Variants in CFAP299 observed in about 807,000 individuals in gnomAD.
The protein encoded by CFAP299 is cilia and flagella associated protein 299, also known as cilia- and flagella-associated protein 299.
Under a neutral mutation model 27.0 loss-of-function variants are expected in CFAP299, and 21 were observed. That is an observed-to-expected ratio of 0.78 (90% CI 0.55 to 1.12). The LOEUF is 1.12. Ranked by LOEUF, CFAP299 falls within the 50% of genes most tolerant of loss-of-function variation. The probability of loss-of-function intolerance (pLI) is 0.00; values close to 1 mark genes in which losing one functional copy is unlikely to be tolerated. For synonymous variants in CFAP299, 104 were observed against 98.1 expected (o/e 1.06, Z -0.36); for missense variants, 310 against 276.6 (o/e 1.12, Z -0.86).
At chr4:80,900,633 A>G (rs1012880099) in intron 4 of CFAP299, among the ~76,000 whole-genome samples, 7 of 152,144 alleles carry the variant, frequency 4.6e-5, no homozygotes, top group African/African-American at 1.7e-4. Flanking sequence ...AAAAGAGTGG[A>G]AAAGCCCTAG....
At chr4:80,376,714 G>T (rs1365686214) in intron 2 of CFAP299, among the ~76,000 whole-genome samples, 1 of 152,124 alleles carries the variant, frequency 6.6e-6, no homozygotes, top group African/African-American at 2.4e-5. Flanking sequence ...CAATGCAATG[G>T]CATGATTTTG....
At chr4:80,783,270 A>G (rs1024955058) in intron 3 of CFAP299, among the ~76,000 whole-genome samples, 140 of 152,298 alleles carry the variant, frequency 9.2e-4, no homozygotes, top group African/African-American at 3.3e-3. Flanking sequence ...TGTCACTTAC[A>G]CAATATTCTG....
At chr4:80,510,233 A>G (rs1732229816) in intron 2 of CFAP299, among the ~76,000 whole-genome samples, 1 of 152,150 alleles carries the variant, frequency 6.6e-6, no homozygotes, top group Non-Finnish European at 1.5e-5. Context: ...TTGCACTACA[A>G]GTTAATTGTC....
Position 80,416,405 on chromosome 4 carries a change from G to A in CFAP299, c.242+53521G>A, listed in dbSNP as rs141863033. Among the ~76,000 whole-genome samples, 940 of 152,034 alleles carry A rather than the reference G, an allele frequency of 6.2e-3. 2 individuals are homozygous for A. Among genetic ancestry groups the A allele is most frequent in the Middle Eastern group, 0.024 (7 of 294 alleles). On this transcript the variant is annotated intron_variant, in intron 2 of 5. Transcript: ENST00000358105. ...AAGACCTACTGTCCTCTCCTCAAAG[G>A]TTTATAATTTAGAACATGTAGCTGA...
rs547380152 is a variant in CFAP299 at position 80,568,724 on chromosome 4, A to T, written c.243-14369A>T. ...GGAGAAAGAAGAAAGGATGGCATGA[A>T]GGAGATGATTTATGGAGCACATGAT... On this transcript the variant is annotated intron_variant, in intron 2 of 5. Coordinates refer to ENST00000358105, the MANE Select transcript of CFAP299 (RefSeq NM_152770.3). Among the ~76,000 whole-genome samples the T allele has an allele frequency of 3.9e-5, 6 of 152,192 alleles. No homozygotes were observed. In the East Asian group the frequency reaches 1.2e-3, roughly 29 times the overall value.
At chr4:80,585,338 A>G (rs1213580354) in intron 3 of CFAP299, among the ~76,000 whole-genome samples, 1 of 152,170 alleles carries the variant, frequency 6.6e-6, no homozygotes. Context: ...TGACAAAAGA[A>G]TATGTTCAGA....
intron 4 of CFAP299, among the ~76,000 whole-genome samples, chr4:80,881,820 G>A (rs1375434377): frequency 1.3e-5 from 2 of 152,204 alleles, no homozygotes; most frequent in South Asian, 4.1e-4. Flanking sequence ...TGCTCAGTGA[G>A]TTACAAGAGA....
intron 4 of CFAP299, among the ~76,000 whole-genome samples, chr4:80,874,047 GCTT>G (rs1227684932): frequency 6.6e-6 from 1 of 152,130 alleles, no homozygotes; most frequent in East Asian, 1.9e-4. Context: ...CTTATCCTGT[GCTT>G]AAGTGCATTC....
At chr4:80,595,712 A>G (rs573367116) in intron 3 of CFAP299, among the ~76,000 whole-genome samples, 113 of 152,338 alleles carry the variant, frequency 7.4e-4, no homozygotes, top group African/African-American at 2.5e-3. Context: ...CTAAGAAATG[A>G]AAGTGTCTTT....
intron 4 of CFAP299, among the ~76,000 whole-genome samples, chr4:80,894,386 C>T (rs929164800): frequency 4.6e-5 from 7 of 151,924 alleles, no homozygotes; most frequent in African/African-American, 1.4e-4. Flanking sequence ...ATTAAGGATC[C>T]TAACCAGTAC....
At chr4:80,667,058 A>C (rs1741176019) in intron 3 of CFAP299, among the ~76,000 whole-genome samples, 2 of 152,190 alleles carry the variant, frequency 1.3e-5, no homozygotes, top group Non-Finnish European at 2.9e-5. Flanking sequence ...TTTAACTGAA[A>C]ATCCTGAAGA....
intron 3 of CFAP299, among the ~76,000 whole-genome samples, chr4:80,748,701 T>G (rs1004386764): frequency 1.8e-4 from 28 of 152,126 alleles, no homozygotes; most frequent in Non-Finnish European, 1.3e-4. Flanking sequence ...TAAAGTCCAG[T>G]CTTTATTTAT....
At chr4:80,400,869 C>CA (rs1726115369) in intron 2 of CFAP299, among the ~76,000 whole-genome samples, 1 of 152,116 alleles carries the variant, frequency 6.6e-6, no homozygotes, top group African/African-American at 2.4e-5. Flanking sequence ...TGGCTTTGCC[C>CA]AAAATGCTGA....
At chr4:80,569,161 C>G (rs1284831261) in intron 2 of CFAP299, among the ~76,000 whole-genome samples, 1 of 151,992 alleles carries the variant, frequency 6.6e-6, no homozygotes, top group East Asian at 1.9e-4. Context: ...CATTCTGAAC[C>G]CTGTTGATAG....
chr4:80,895,926 A>G (rs1299038193), intron 4 of CFAP299, among the ~76,000 whole-genome samples: 1 of 152,156 alleles, frequency 6.6e-6, no homozygotes, highest in African/African-American at 2.4e-5. Context: ...AACTCAGTAA[A>G]TGTTTAATCT....
At chr4:80,553,810 T>G (rs1305017019) in intron 2 of CFAP299, among the ~76,000 whole-genome samples, 2 of 152,198 alleles carry the variant, frequency 1.3e-5, no homozygotes, top group African/African-American at 4.8e-5. Flanking sequence ...TTTTGAAAAG[T>G]GTCTTCATGT....
rs1439369539 is a variant in CFAP299 at position 80,736,881 on chromosome 4, T to C, written c.334-133112T>C. Among the ~76,000 whole-genome samples the C allele has an allele frequency of 5.9e-5, 9 of 152,242 alleles. No individual in the cohort carries two copies. The East Asian group carries it at 1.7e-3, about 29-fold the overall frequency. ...ATGCACAGGTATGTTTATTGCTGCATTATTCACAATAGCAAAGACTTGGAA... is the reference window on the plus strand; with the variant it reads ...ATGCACAGGTATGTTTATTGCTGCACTATTCACAATAGCAAAGACTTGGAA... On this transcript the variant is annotated intron_variant, in intron 3 of 5. Coordinates refer to ENST00000358105, the MANE Select transcript of CFAP299 (RefSeq NM_152770.3).
rs550414533 is a variant in CFAP299 at position 80,572,507 on chromosome 4, G to GTTTTTTTT, written c.243-10565_243-10558dup. 3.7e-3 allele frequency among the ~76,000 whole-genome samples: 135 copies of GTTTTTTTT among 36,394 alleles called. 39 individuals are homozygous for GTTTTTTTT. Among genetic ancestry groups the GTTTTTTTT allele is most frequent in the African/African-American group, 8.4e-3 (94 of 11,186 alleles). 23.9% of individuals were successfully genotyped at this position (36,394 alleles called of 152,430 possible). ...TGTTGTTGCACATGACTGGATCCCA[G>GTTTTTTTT]TTTTTTTTTTTTTTTTTTTTTTTTT... On this transcript the variant is annotated intron_variant, in intron 2 of 5. Coordinates refer to ENST00000358105, the MANE Select transcript of CFAP299 (RefSeq NM_152770.3).
intron 2 of CFAP299, among the ~76,000 whole-genome samples, chr4:80,477,001 C>T (rs1730313730): frequency 1.3e-5 from 2 of 151,780 alleles, no homozygotes; most frequent in African/African-American, 4.8e-5. Flanking sequence ...CAACTTTCCT[C>T]CCAGCTTTGA....
Sources: allele counts gnomAD v4.1 joint callset (sites outside exome capture counted in the v4.1 genomes callset), GRCh38; gene constraint gnomAD v4.1.1; transcripts MANE v1.5; gene names NCBI Gene and HGNC (gene_info 2026-07-23, HGNC 2026-07-21).